Variants in MCTP1 observed in about 807,000 individuals in gnomAD.
MCTP1 encodes the protein multiple C2 and transmembrane domain containing 1.
MCTP1 carries 69 observed loss-of-function variants against 120.6 expected under a neutral mutation model. That is an observed-to-expected ratio of 0.57 (90% CI 0.47 to 0.70). The LOEUF is 0.70. Ranked by LOEUF, MCTP1 falls within the 30% of genes least tolerant of loss-of-function variation. MCTP1 has a pLI of 0.00. For synonymous variants in MCTP1, 529 were observed against 493.1 expected (o/e 1.07, Z -0.96); for missense variants, 1,203 against 1,248.8 (o/e 0.96, Z 0.55).
chr5:95,044,684 T>C (rs1195430199), intron 1 of MCTP1, among the ~76,000 whole-genome samples: 1 of 152,008 alleles, frequency 6.6e-6, no homozygotes, highest in Admixed American at 6.6e-5. Context: ...TCCCCAGCCA[T>C]TCAGTTGCTC....
At position 95,189,403 on chromosome 5, in the gene MCTP1, G is replaced by C. The variant is rs182884696; in HGVS notation, c.720+94453C>G. ...CACACATTTATCAAAACTTATCAAAGCATATCCTTTAAATCTGTGCTTTTT... is the reference window on the plus strand; with the variant it reads ...CACACATTTATCAAAACTTATCAAACCATATCCTTTAAATCTGTGCTTTTT... On this transcript the variant is annotated intron_variant, in intron 1 of 22. Transcript: ENST00000515393. Among the ~76,000 whole-genome samples the C allele has an allele frequency of 1.2e-4, 18 of 152,244 alleles. No individual in the cohort carries two copies. In the East Asian group the frequency reaches 3.5e-3, roughly 29 times the overall value.
chr5:95,248,818 G>A (rs1210189732), intron 1 of MCTP1, among the ~76,000 whole-genome samples: 1 of 152,108 alleles, frequency 6.6e-6, no homozygotes, highest in Non-Finnish European at 1.5e-5. Context: ...TACCAAAACA[G>A]ATATATAGAC....
chr5:94,880,395 C>A (rs928848580), intron 12 of MCTP1, among the ~76,000 whole-genome samples: 1 of 151,972 alleles, frequency 6.6e-6, no homozygotes, highest in Non-Finnish European at 1.5e-5. Flanking sequence ...GCTGGAGAGA[C>A]CTTTTGCAGT....
chr5:95,225,109 C>T (rs1754114340), intron 1 of MCTP1, among the ~76,000 whole-genome samples: 1 of 152,112 alleles, frequency 6.6e-6, no homozygotes, highest in African/African-American at 2.4e-5. Context: ...CATCATTTCT[C>T]AGATAAGCAT....
intron 1 of MCTP1, among the ~76,000 whole-genome samples, chr5:95,268,255 T>C (rs1759065945): frequency 6.6e-6 from 1 of 152,238 alleles, no homozygotes; most frequent in Non-Finnish European, 1.5e-5. Flanking sequence ...TACCACAACA[T>C]AGATATTTCA....
intron 12 of MCTP1, among the ~76,000 whole-genome samples, chr5:94,876,417 A>C (rs1358797962): frequency 6.6e-6 from 1 of 152,136 alleles, no homozygotes; most frequent in Non-Finnish European, 1.5e-5. Context: ...AAAGTTCCAG[A>C]CAGTGGTATA....
In MCTP1 at chr5:95,061,408, G is replaced by GTTGTTTTTTTTTTTTTTTTTTTTT. The variant is rs1749067994; in HGVS notation, c.721-43925_721-43924insAAAAAAAAAAAAAAAAAAAAACAA. Among the ~76,000 whole-genome samples the GTTGTTTTTTTTTTTTTTTTTTTTT allele has an allele frequency of 2.7e-4, 9 of 33,490 alleles. 4 individuals are homozygous for GTTGTTTTTTTTTTTTTTTTTTTTT. The highest frequency in any genetic ancestry group is 5.6e-4 in the Non-Finnish European group (9 of 16,078). The allele number at this position is 33,490 out of a possible 152,430, so 22.0% of individuals were successfully genotyped here. A position where few individuals can be genotyped will look rare whatever the true frequency, so the allele number is the denominator to read the frequency against. On this transcript the variant is annotated intron_variant, in intron 1 of 22. Coordinates refer to ENST00000515393, the MANE Select transcript of MCTP1 (RefSeq NM_024717.7). ...ATCAATTTTCACAAACCCCTTAAGG[G>GTTGTTTTTTTTTTTTTTTTTTTTT]TTTTTTTTTTTTTTTTTTTTTTTTT...
chr5:95,016,752 T>C (rs567028037), intron 2 of MCTP1, among the ~76,000 whole-genome samples: 3 of 152,210 alleles, frequency 2.0e-5, no homozygotes, highest in African/African-American at 7.2e-5. Context: ...GCCTCTATCC[T>C]GGGTTCAAGA....
chr5:94,910,123 T>G (rs1020164265), intron 9 of MCTP1, among the ~76,000 whole-genome samples: 2 of 147,700 alleles, frequency 1.4e-5, no homozygotes, highest in South Asian at 2.1e-4. Flanking sequence ...TATATATGTA[T>G]GTATACATGT....
intron 11 of MCTP1, among the ~76,000 whole-genome samples, chr5:94,889,750 CCACACACACACACA>C (rs750983646): frequency 3.4e-5 from 5 of 145,604 alleles, no homozygotes; most frequent in African/African-American, 1.3e-4. Flanking sequence ...TGAATGTACA[CCACACACACACACA>C]CACACACACA....
intron 17 of MCTP1, among the ~76,000 whole-genome samples, chr5:94,806,944 C>T (rs370359553): frequency 1.1e-3 from 163 of 152,280 alleles, no homozygotes; most frequent in African/African-American, 3.7e-3. Flanking sequence ...ATTTCACGGT[C>T]CTTTTAGAAA....
At chr5:94,856,754 A>C (rs1241216365) in intron 17 of MCTP1, among the ~76,000 whole-genome samples, 1 of 151,756 alleles carries the variant, frequency 6.6e-6, no homozygotes, top group South Asian at 2.1e-4. Context: ...AAAGTCAAAA[A>C]GGAAATAAAA....
intron 2 of MCTP1, among the ~76,000 whole-genome samples, chr5:95,002,951 C>T (rs1432189067): frequency 6.6e-6 from 1 of 152,128 alleles, no homozygotes; most frequent in Non-Finnish European, 1.5e-5. Flanking sequence ...TGGGAGGGAA[C>T]TGGTGGAAGT....
chr5:95,075,607 A>T (rs938855259), intron 1 of MCTP1, among the ~76,000 whole-genome samples: 5 of 152,178 alleles, frequency 3.3e-5, no homozygotes, highest in Non-Finnish European at 7.3e-5. Context: ...TCTGATATAT[A>T]AAAAAACACC....
chr5:95,135,647 T>C (rs1394084728), intron 1 of MCTP1, among the ~76,000 whole-genome samples: 1 of 152,236 alleles, frequency 6.6e-6, no homozygotes, highest in African/African-American at 2.4e-5. Flanking sequence ...GGATGCTTCC[T>C]GCCCTCAAAC....
chr5:95,186,109 T>A (rs1481466992), intron 1 of MCTP1, among the ~76,000 whole-genome samples: 1 of 149,832 alleles, frequency 6.7e-6, no homozygotes, highest in Admixed American at 6.7e-5. Context: ...AATAAATACA[T>A]AAATAAAATA....
At chr5:95,208,086 CTGT>C (rs779903449) in intron 1 of MCTP1, among the ~76,000 whole-genome samples, 16 of 151,700 alleles carry the variant, frequency 1.1e-4, no homozygotes, top group African/African-American at 3.4e-4. Context: ...ACAGATTACC[CTGT>C]TGTTGTTGTT....
intron 10 of MCTP1, among the ~76,000 whole-genome samples, chr5:94,903,696 T>C (rs901413137): frequency 6.6e-5 from 10 of 152,324 alleles, no homozygotes; most frequent in East Asian, 3.9e-4. Flanking sequence ...CTGAGAACAA[T>C]GCAACGAAGT....
chr5:95,284,661 T>TC lies in MCTP1; in HGVS notation c.-87dup, dbSNP rs1303249830. 1.6e-5 allele frequency: 15 copies of TC among 936,544 alleles called. No individual in the cohort carries two copies. Among genetic ancestry groups the TC allele is most frequent in the Non-Finnish European group, 2.0e-5 (14 of 697,324 alleles). The allele number at this position is 936,544 out of a possible 1,614,324, so 58.0% of individuals were successfully genotyped here. ...CTCTTCGGCTGCACCTCCTCCCGGG[T>TC]CCCCGCGGCGCTGGCGGTGGCGGCG... On this transcript the variant is annotated 5_prime_UTR_variant, in exon 1 of 23. Coordinates refer to ENST00000515393, the MANE Select transcript of MCTP1 (RefSeq NM_024717.7). This position sits in a 1 kb window ranked among gnomAD's most constrained non-coding sequence, Gnocchi z 5.2.
Sources: allele counts gnomAD v4.1 joint callset (sites outside exome capture counted in the v4.1 genomes callset), GRCh38; gene constraint gnomAD v4.1.1; non-coding constraint Gnocchi (gnomAD v3.1); transcripts MANE v1.5; gene names NCBI Gene and HGNC (gene_info 2026-07-23, HGNC 2026-07-21).